Variants in CIMIP2A observed in about 807,000 individuals in gnomAD.
CIMIP2A encodes family with sequence similarity 166 member A.
the CIMIP2A span, chr9:137,245,153 C>T: frequency 1.3e-6 from 2 of 1,589,472 alleles, no homozygotes; most frequent in Non-Finnish European, 8.5e-7. Context: ...GGAAGCTGCC[C>T]ACATCTAGCG....
chr9:137,244,295 A>G, the CIMIP2A span: 1 of 1,613,504 alleles, frequency 6.2e-7, no homozygotes, highest in South Asian at 1.1e-5. Context: ...GGAACTGGGG[A>G]GACAGGAAGG....
chr9:137,245,150 G>T, the CIMIP2A span: 6 of 1,589,352 alleles, frequency 3.8e-6, no homozygotes, highest in Non-Finnish European at 5.1e-6. Context: ...GCTGGAAGCT[G>T]CCCACATCTA....
the CIMIP2A span, chr9:137,252,577 G>A: frequency 1.3e-6 from 2 of 1,501,910 alleles, no homozygotes; most frequent in East Asian, 2.5e-5. Context: ...CAGGGGGCTG[G>A]GGGTTCCAGT....
chr9:137,247,582 C>A, the CIMIP2A span: 1 of 1,384,860 alleles, frequency 7.2e-7, no homozygotes. Flanking sequence ...CACAGCTGGC[C>A]TCCATGCCTC....
chr9:137,254,311 G>A, the CIMIP2A span, among the ~76,000 whole-genome samples: 1 of 152,246 alleles, frequency 6.6e-6, no homozygotes, highest in Non-Finnish European at 1.5e-5. Context: ...CAAGGCACTG[G>A]AACCCTCGCC....
the CIMIP2A span, chr9:137,253,130 C>T: frequency 1.9e-6 from 3 of 1,576,952 alleles, no homozygotes; most frequent in Non-Finnish European, 2.6e-6. Flanking sequence ...ACCCCTGGCC[C>T]AGCCGCCTAC....
chr9:137,251,930 TGGTCTTTGGG>T, the CIMIP2A span: 1 of 1,599,004 alleles, frequency 6.3e-7, no homozygotes, highest in Non-Finnish European at 8.5e-7. Flanking sequence ...ACCCCCAAGC[TGGTCTTTGGG>T]GGGCTGTGGG....
the CIMIP2A span, chr9:137,244,660 G>A: frequency 1.1e-5 from 18 of 1,613,752 alleles, no homozygotes; most frequent in East Asian, 2.2e-5. Context: ...TGTCGAATTC[G>A]TCCATGGCTT....
the CIMIP2A span, chr9:137,247,691 G>A: frequency 4.3e-6 from 7 of 1,613,456 alleles, no homozygotes; most frequent in Admixed American, 1.7e-5. Flanking sequence ...GGCGTGAAGA[G>A]ATCGTGTTTC....
chr9:137,253,444 C>T, the CIMIP2A span: 17 of 1,440,202 alleles, frequency 1.2e-5, no homozygotes, highest in Middle Eastern at 1.8e-4. Flanking sequence ...CCCCATCTGC[C>T]CATCTCCCCG....
chr9:137,247,667 C>T, the CIMIP2A span: 2 of 1,613,136 alleles, frequency 1.2e-6, no homozygotes, highest in South Asian at 1.1e-5. Context: ...CACCCAGGGA[C>T]ATAGTGAGGC....
chr9:137,251,425 G>C, the CIMIP2A span: 1 of 1,540,718 alleles, frequency 6.5e-7, no homozygotes. Flanking sequence ...GAGAAGGGGC[G>C]GGCCAGCTGG....
At chr9:137,251,619 C>A in the CIMIP2A span, 3 of 1,258,258 alleles carry the variant, frequency 2.4e-6, no homozygotes, top group African/African-American at 1.6e-5. Context: ...TGGGGACAGG[C>A]TGTGGGGCAC....
chr9:137,245,127 A>G, the CIMIP2A span: 3 of 1,599,056 alleles, frequency 1.9e-6, no homozygotes, highest in Non-Finnish European at 2.6e-6. Context: ...AGGGTGGTCC[A>G]GCTGCGGCAG....
chr9:137,251,673 G>C, the CIMIP2A span: 5 of 1,522,564 alleles, frequency 3.3e-6, no homozygotes, highest in East Asian at 1.2e-4. Flanking sequence ...AGAGGGGACA[G>C]GCTGTGGGGC....
chr9:137,251,632 G>C, the CIMIP2A span: 1 of 1,391,076 alleles, frequency 7.2e-7, no homozygotes, highest in Non-Finnish European at 9.7e-7. Flanking sequence ...TGGGGCACGT[G>C]GCTGGGAGCA....
chr9:137,247,552 G>A, the CIMIP2A span: 1 of 1,034,460 alleles, frequency 9.7e-7, no homozygotes. Context: ...CAGTTTCCTG[G>A]GGTCCAGCTC....
the CIMIP2A span, among the ~76,000 whole-genome samples, chr9:137,246,526 G>A: frequency 1.3e-5 from 2 of 152,240 alleles, no homozygotes; most frequent in African/African-American, 4.8e-5. Context: ...CACTTTGGGA[G>A]GCTGAGGCGG....
At chr9:137,244,800 C>T in the CIMIP2A span, 5 of 1,588,506 alleles carry the variant, frequency 3.1e-6, no homozygotes, top group Non-Finnish European at 4.3e-6. Context: ...GCACACCCAC[C>T]TGCCCTCAGA....
Sources: gnomAD v4.1 joint callset for allele counts (sites outside exome capture counted in the v4.1 genomes callset) on GRCh38, gnomAD v4.1.1 for gene constraint, MANE v1.5 for transcripts, NCBI Gene and HGNC (gene_info 2026-07-23, HGNC 2026-07-21) for gene names.